Variants in ZNF429 observed in about 807,000 individuals in gnomAD.
ZNF429 encodes the protein zinc finger protein 429.
In ZNF429, 53 loss-of-function variants were observed where a neutral mutation model predicts 56.8. That is an observed-to-expected ratio of 0.93 (90% CI 0.75 to 1.17). The LOEUF is 1.17. ZNF429 is among the 50% of genes most tolerant of loss of function. The pLI is 0.00. For synonymous variants in ZNF429, 278 were observed against 264.7 expected, an observed-to-expected ratio of 1.05 and a Z score of -0.49; for missense variants, 849 against 788.4, an observed-to-expected ratio of 1.08 and a Z score of -0.92.
At chr19:21,535,378 T>C in intron 3 of ZNF429, among the ~76,000 whole-genome samples, 5 of 59,244 alleles carry the variant, frequency 8.4e-5, no homozygotes, top group African/African-American at 4.3e-4. Context: ...TCTTTCTTTC[T>C]TTTTTACTTT....
At chr19:21,518,972 G>A (rs1186671762) in intron 1 of ZNF429, 1 of 152,228 alleles carries the variant, frequency 6.6e-6, no homozygotes. Context: ...GTCAATTTTA[G>A]AGTATGTGAC....
intron 3 of ZNF429, among the ~76,000 whole-genome samples, chr19:21,531,125 A>AAAAC: frequency 9.7e-6 from 1 of 103,036 alleles, no homozygotes; most frequent in Non-Finnish European, 2.2e-5. Flanking sequence ...AAAAAAAAAA[A>AAAAC]AAAACCAAAA....
At chr19:21,516,063 T>A (rs12975424) in intron 1 of ZNF429, among the ~76,000 whole-genome samples, 81,543 of 151,704 alleles carry the variant, frequency 0.54, 22,039 homozygotes, top group East Asian at 0.62. Flanking sequence ...TTTTTTTAAA[T>A]TTTTTTATTT....
intron 1 of ZNF429, among the ~76,000 whole-genome samples, chr19:21,510,951 A>C (rs576091418): frequency 1.3e-5 from 2 of 152,060 alleles, no homozygotes; most frequent in Non-Finnish European, 2.9e-5. Context: ...TTAGTACAGA[A>C]CAAAATGAAA....
rs201557397 is a variant in ZNF429, at chr19:21,537,696, G to A, written c.1643G>A (p.Arg548Gln). 74 of 1,611,972 alleles carry A rather than the reference G, an allele frequency of 4.6e-5. 1 individual carries two copies. The highest frequency in any genetic ancestry group is 2.4e-4 in the South Asian group (22 of 91,008). ...GAAGAATGTGGCAAAGCTTTTAACC[G>A]GTCCTCAAGACTTACTCAACATAAG... ...KCEECGKAFN[R>Q]SSRLTQHKKI... The change falls in exon 4 of 4, where the codon CGG becomes CAG. Residue 548 changes from arginine (R) to glutamine (Q), a missense_variant. Physicochemically the swap from Arg to Gln is conservative, Grantham distance 43. Coordinates refer to ENST00000358491, the MANE Select transcript of ZNF429 (RefSeq NM_001001415.4).
chr19:21,530,018 C>T, intron 2 of ZNF429, among the ~76,000 whole-genome samples: 2 of 151,846 alleles, frequency 1.3e-5, no homozygotes, highest in Non-Finnish European at 2.9e-5. Flanking sequence ...GGTGAAACCC[C>T]GTCTCTACTA....
At chr19:21,521,717 G>A (rs545224289) in intron 1 of ZNF429, 9 of 153,088 alleles carry the variant, frequency 5.9e-5, no homozygotes, top group Admixed American at 5.2e-4. Flanking sequence ...TGTGGTTTGT[G>A]TGAATTAGGT....
chr19:21,520,542 A>G (rs753499739), intron 1 of ZNF429, among the ~76,000 whole-genome samples: 9 of 151,974 alleles, frequency 5.9e-5, no homozygotes, highest in Non-Finnish European at 1.2e-4. Flanking sequence ...CCTCATAACC[A>G]TTGCTTTGTT....
intron 3 of ZNF429, among the ~76,000 whole-genome samples, chr19:21,535,470 TTCTTTCTTTCTTTC>T: frequency 1.8e-5 from 2 of 109,444 alleles, no homozygotes; most frequent in Non-Finnish European, 3.7e-5. Context: ...CTTTCTTTCT[TTCTTTCTTTCTTTC>T]TTTCTTTCTT....
rs577200970 is a variant in ZNF429 at position 21,536,629 on chromosome 19, G to C, written c.576G>C (p.Lys192Asn). 2.0e-5 allele frequency: 32 copies of C among 1,613,696 alleles called. No individual in the cohort carries two copies. The South Asian group carries it at 3.1e-4, about 16-fold the overall frequency. Residue 192 changes from lysine to asparagine, a missense_variant, in exon 4 of 4, where the codon AAG (lysine) becomes AAC (asparagine). Coordinates refer to ENST00000358491, the MANE Select transcript of ZNF429 (RefSeq NM_001001415.4). The part of the protein sequence containing the change: ...FCMLSQLTQH[K>N]KIHIRENTYR... Reference sequence around the variant, plus strand: ...TGCTTTCACAACTAACTCAACATAAGAAAATTCATATTAGAGAGAATACCT... The same window carrying C: ...TGCTTTCACAACTAACTCAACATAACAAAATTCATATTAGAGAGAATACCT...
chr19:21,526,420 C>T (rs1171036881), intron 1 of ZNF429, among the ~76,000 whole-genome samples: 1 of 152,174 alleles, frequency 6.6e-6, no homozygotes, highest in African/African-American at 2.4e-5. Flanking sequence ...TCAGTGAGAA[C>T]AGAAAACCTT....
intron 1 of ZNF429, among the ~76,000 whole-genome samples, chr19:21,515,665 A>G (rs1161002635): frequency 6.6e-6 from 1 of 152,024 alleles, no homozygotes; most frequent in East Asian, 1.9e-4. Context: ...TGGTATCTTC[A>G]TCATAAAACT....
intron 2 of ZNF429, 130 bp from the exon 3 acceptor site, chr19:21,530,459 C>G: frequency 1.9e-6 from 1 of 517,892 alleles, no homozygotes; most frequent in Non-Finnish European, 3.2e-6. Flanking sequence ...TTAGAAATTT[C>G]TCTTATAAAT....
chr19:21,507,774 G>T (rs2032249998), intron 1 of ZNF429: 1 of 153,260 alleles, frequency 6.5e-6, no homozygotes, highest in Admixed American at 6.5e-5. Flanking sequence ...ATTCCCTGGG[G>T]CTGAGAGGAA....
At chr19:21,506,846 T>G (rs1204410016) in intron 1 of ZNF429, among the ~76,000 whole-genome samples, 1 of 144,568 alleles carries the variant, frequency 6.9e-6, no homozygotes, top group Non-Finnish European at 1.5e-5. Context: ...CTCGGCTCAC[T>G]GCACCTTCCG....
At chr19:21,519,690 T>A (rs1520072) in intron 1 of ZNF429, among the ~76,000 whole-genome samples, 29,826 of 152,062 alleles carry the variant, frequency 0.2, 3,013 homozygotes, top group African/African-American at 0.22. Context: ...ATCCACTGGG[T>A]CTGAGTGCAC....
chr19:21,511,587 T>C (rs1385637937), intron 1 of ZNF429, among the ~76,000 whole-genome samples: 1 of 145,060 alleles, frequency 6.9e-6, no homozygotes, highest in Non-Finnish European at 1.5e-5. Context: ...CTCCTCACTT[T>C]CCAGACTGGG....
intron 1 of ZNF429, 32 bp downstream of exon 1, chr19:21,505,806 G>A (rs781466970): frequency 6.2e-7 from 1 of 1,609,138 alleles, no homozygotes; most frequent in African/African-American, 1.3e-5. Context: ...TCCCCAGAGA[G>A]GGGGAGGGGC....
intron 1 of ZNF429, among the ~76,000 whole-genome samples, chr19:21,515,570 GT>G (rs1180983884): frequency 1.3e-5 from 2 of 151,590 alleles, no homozygotes; most frequent in African/African-American, 4.8e-5. Context: ...TGTGTGTGGT[GT>G]TTTTTGTTTT....
Sources: gnomAD v4.1 joint callset for allele counts (sites outside exome capture counted in the v4.1 genomes callset) on GRCh38, gnomAD v4.1.1 for gene constraint, MANE v1.5 for transcripts, NCBI Gene and HGNC (gene_info 2026-07-23, HGNC 2026-07-21) for gene names.